CNOT4: variants seen among roughly 807,000 people sequenced by gnomAD.
The protein encoded by CNOT4 is CCR4-NOT transcription complex subunit 4.
A neutral mutation model predicts 73.8 loss-of-function variants in CNOT4; 8 were observed. The ratio of observed to expected loss-of-function variants is 0.11; its 90% CI spans 0.06 to 0.20. The LOEUF is 0.20. Among genes scored for constraint, CNOT4 ranks in the 10% least tolerant of loss-of-function variants. CNOT4 has a pLI of 1.00. For synonymous variants in CNOT4, 293 were observed against 321.1 expected (o/e 0.91, Z 0.94); for missense variants, 564 against 883.4 (o/e 0.64, Z 4.58).
rs1799272493 is a variant in CNOT4, at chr7:135,438,182, A to G, written c.150T>C (p.Asn50=). 7 of 1,600,928 alleles carry G rather than the reference A, an allele frequency of 4.4e-6. No homozygotes were observed. Among genetic ancestry groups the G allele is most frequent in the Non-Finnish European group, 6.0e-6 (7 of 1,168,218 alleles). ...CCTTTCTACATGCAGGACAAAGCCCATTTTCATCAGTGCGAATTCGATGCC... is the reference window on the plus strand; with the variant it reads ...CCTTTCTACATGCAGGACAAAGCCCGTTTTCATCAGTGCGAATTCGATGCC... ...FCWHRIRTDE[N]GLCPACRKPY... Residue 50 remains asparagine, a synonymous_variant, in exon 2 of 12, where the codon AAT becomes AAC. Coordinates refer to ENST00000541284, the MANE Select transcript of CNOT4 (RefSeq NM_001190850.2).
At position 135,424,823 on chromosome 7, in the gene CNOT4, A is replaced by AAAC. The variant is rs1563042096; in HGVS notation, c.175-2471_175-2470insGTT. Among the ~76,000 whole-genome samples, 11 of 152,214 alleles carry AAAC rather than the reference A, an allele frequency of 7.2e-5. No homozygotes were observed. In the East Asian group the frequency reaches 1.2e-3, roughly 16 times the overall value. On this transcript the variant is annotated intron_variant, in intron 2 of 11. Transcript: ENST00000541284. The stretch of plus-strand genomic sequence containing the variant: ...CAAACAAACAAACAAACAAAAAAAA[A>AAAC]CAAACAAGTTCATTTGAAAGCTGTT...
chr7:135,365,619 G>A (rs1301440253), intron 10 of CNOT4, among the ~76,000 whole-genome samples: 1 of 151,958 alleles, frequency 6.6e-6, no homozygotes, highest in Admixed American at 6.6e-5. Context: ...AAGCAAGCAA[G>A]CTTACTCTCT....
At chr7:135,444,848 A>G (rs972618757) in intron 1 of CNOT4, 149 of 1,605,126 alleles carry the variant, frequency 9.3e-5, no homozygotes, top group Non-Finnish European at 1.2e-4. Context: ...TGGCACTTTC[A>G]GCTTTAACCT....
intron 2 of CNOT4, among the ~76,000 whole-genome samples, chr7:135,432,088 G>C (rs1261181395): frequency 6.6e-6 from 1 of 151,798 alleles, no homozygotes; most frequent in East Asian, 1.9e-4. Context: ...TGAAAACCTT[G>C]TCACGCCAGG....
intron 10 of CNOT4, among the ~76,000 whole-genome samples, chr7:135,392,072 G>A (rs1196937189): frequency 2.6e-5 from 4 of 151,898 alleles, no homozygotes; most frequent in Non-Finnish European, 5.9e-5. Context: ...TACTCAGGAG[G>A]TTTCCATCAA....
intron 1 of CNOT4, among the ~76,000 whole-genome samples, chr7:135,495,763 A>AAATT (rs1563083690): frequency 7.1e-5 from 10 of 141,270 alleles, no homozygotes; most frequent in African/African-American, 1.8e-4. Flanking sequence ...AGAAAGAAAG[A>AAATT]AATTTAAGAA....
intron 8 of CNOT4, 51 bp downstream of exon 8, chr7:135,398,118 T>G: frequency 1.0e-6 from 1 of 997,206 alleles, no homozygotes; most frequent in Non-Finnish European, 1.6e-6. Flanking sequence ...TGGAATACCT[T>G]GCTTTCGGAG....
chr7:135,479,784 A>G (rs1585709970), intron 1 of CNOT4, among the ~76,000 whole-genome samples: 1 of 151,754 alleles, frequency 6.6e-6, no homozygotes, highest in Non-Finnish European at 1.5e-5. Flanking sequence ...CAGCTACTCG[A>G]GAGGCTGAGG....
intron 2 of CNOT4, among the ~76,000 whole-genome samples, chr7:135,431,114 A>G (rs1049905028): frequency 6.6e-6 from 1 of 152,136 alleles, no homozygotes; most frequent in Non-Finnish European, 1.5e-5. Context: ...TTTTTTAAAC[A>G]ATTAGTTGGG....
intron 10 of CNOT4, among the ~76,000 whole-genome samples, chr7:135,380,209 C>T (rs56407377): frequency 0.028 from 4,285 of 151,982 alleles, 224 homozygotes; most frequent in African/African-American, 0.098. Flanking sequence ...AAAGATGAAT[C>T]GGAGATCACA....
At chr7:135,467,990 C>T (rs761652791) in intron 1 of CNOT4, among the ~76,000 whole-genome samples, 6 of 151,632 alleles carry the variant, frequency 4.0e-5, no homozygotes, top group South Asian at 2.1e-4. Context: ...TCGAGACGGG[C>T]GGCTCACGAG....
chr7:135,477,299 C>A (rs925469193), intron 1 of CNOT4, among the ~76,000 whole-genome samples: 7 of 151,244 alleles, frequency 4.6e-5, no homozygotes, highest in Non-Finnish European at 7.4e-5. Context: ...GCTGGGATTG[C>A]GCCACTGCAC....
At chr7:135,371,631 A>C (rs1050371602) in intron 10 of CNOT4, among the ~76,000 whole-genome samples, 3 of 152,152 alleles carry the variant, frequency 2.0e-5, no homozygotes, top group Admixed American at 6.5e-5. Context: ...AGGATCTATA[A>C]ATCTGTTTTG....
chr7:135,382,183 T>A (rs1795880931), intron 10 of CNOT4, among the ~76,000 whole-genome samples: 1 of 152,172 alleles, frequency 6.6e-6, no homozygotes, highest in Admixed American at 6.5e-5. Flanking sequence ...AAACTCGATT[T>A]CTCTATAACT....
rs182560527 is a variant in CNOT4, at chr7:135,406,565, G to T, written c.821+3950C>A. Among the ~76,000 whole-genome samples the T allele has an allele frequency of 3.7e-4, 56 of 152,192 alleles. No individual in the cohort carries two copies. The Middle Eastern group carries it at 0.014, about 37-fold the overall frequency. On this transcript the variant is annotated intron_variant, in intron 7 of 11. Coordinates refer to ENST00000541284, the MANE Select transcript of CNOT4 (RefSeq NM_001190850.2). ...AGTTTCAGCTATTCAGAAGGCTGAG[G>T]TGGGATGATCGTTTGAGCCTGGGAG...
Position 135,363,912 on chromosome 7 carries a change from G to A in CNOT4, c.1782C>T (p.Thr594=). Residue 594 remains threonine, a synonymous_variant, in exon 11 of 12, where the codon ACC becomes ACT. Transcript: ENST00000541284. This position sits in a 1 kb window ranked among gnomAD's most constrained non-coding sequence, Gnocchi z 4.3. ...NHSAPTSNTA[T]TDSLSWDSPG... ...GGCTGTCCCAACTCAGGCTGTCGGT[G>A]GTGGCAGTGTTGGACGTTGGTGCAC... The A allele has an allele frequency of 6.3e-7, 1 of 1,598,564 alleles. No homozygotes were observed. The highest frequency in any genetic ancestry group is 8.5e-7 in the Non-Finnish European group (1 of 1,179,780).
chr7:135,502,224 A>G (rs990270749), intron 1 of CNOT4, among the ~76,000 whole-genome samples: 1 of 152,228 alleles, frequency 6.6e-6, no homozygotes, highest in South Asian at 2.1e-4. Flanking sequence ...ACATGCTTCC[A>G]TTCCCTATAT....
intron 7 of CNOT4, among the ~76,000 whole-genome samples, chr7:135,403,772 T>C (rs2129483779): frequency 6.6e-6 from 1 of 152,284 alleles, no homozygotes; most frequent in African/African-American, 2.4e-5. Flanking sequence ...AAAGAATTAG[T>C]TTTTAATAAT....
chr7:135,381,355 A>G (rs1334969661), intron 10 of CNOT4, among the ~76,000 whole-genome samples: 1 of 152,244 alleles, frequency 6.6e-6, no homozygotes, highest in African/African-American at 2.4e-5. Context: ...CAGAAGGCTA[A>G]TTAAATGTCA....
Sources: allele counts gnomAD v4.1 joint callset (sites outside exome capture counted in the v4.1 genomes callset), GRCh38; gene constraint gnomAD v4.1.1; non-coding constraint Gnocchi (gnomAD v3.1); transcripts MANE v1.5; gene names NCBI Gene and HGNC (gene_info 2026-07-23, HGNC 2026-07-21).